Variants in DDI2 observed in about 807,000 individuals in gnomAD.
DDI2 encodes the protein protein DDI1 homolog 2.
Under a neutral mutation model 48.1 loss-of-function variants are expected in DDI2, and 5 were observed. The ratio of observed to expected loss-of-function variants is 0.10; its 90% CI spans 0.05 to 0.22. The LOEUF is 0.22. DDI2 is among the 10% of genes least tolerant of loss of function. DDI2 has a pLI of 1.00. For missense variants in DDI2, 285 were observed against 506.2 expected (o/e 0.56, Z 4.19); for synonymous variants, 205 against 183.6 (o/e 1.12, Z -0.94).
At chr1:15,638,561 G>GCAAGAC in intron 5 of DDI2, 127 bp downstream of exon 5, 2 of 1,014,656 alleles carry the variant, frequency 2.0e-6, no homozygotes, top group Non-Finnish European at 2.7e-6. Context: ...TTGAGACAGA[G>GCAAGAC]TCTTGCTCTG....
At chr1:15,640,908 G>A (rs1639996949) in intron 5 of DDI2, among the ~76,000 whole-genome samples, 1 of 152,202 alleles carries the variant, frequency 6.6e-6, no homozygotes, top group East Asian at 1.9e-4. Context: ...TGGGTCTTGA[G>A]CTAGATCTTG....
Position 15,662,979 on chromosome 1 carries a change from A to G in DDI2, c.*3189A>G, listed in dbSNP as rs908815818. 2 of 152,104 alleles carry G rather than the reference A, an allele frequency of 1.3e-5. No individual in the cohort carries two copies. The highest frequency in any genetic ancestry group is 2.4e-5 in the African/African-American group (1 of 41,406). 9.4% of individuals were successfully genotyped at this position (152,104 alleles called of 1,614,324 possible). A position where few individuals can be genotyped will look rare whatever the true frequency, so the allele number is the denominator to read the frequency against. ...TGTATTTATTGTGGCCTTTTTTTATATAAGGACTAGCCCTTGGAAATCATT... is the reference window on the plus strand; with the variant it reads ...TGTATTTATTGTGGCCTTTTTTTATGTAAGGACTAGCCCTTGGAAATCATT... On this transcript the variant is annotated 3_prime_UTR_variant, in exon 10 of 10. Coordinates refer to ENST00000480945, the MANE Select transcript of DDI2 (RefSeq NM_032341.5).
chr1:15,621,370 T>C (rs1639661792), intron 1 of DDI2, among the ~76,000 whole-genome samples: 2 of 151,970 alleles, frequency 1.3e-5, no homozygotes, highest in Admixed American at 6.6e-5. Context: ...TGATTTGTGG[T>C]TTGTAAACCA....
At chr1:15,623,769 A>G (rs924136856) in intron 1 of DDI2, among the ~76,000 whole-genome samples, 1 of 151,990 alleles carries the variant, frequency 6.6e-6, no homozygotes, top group Non-Finnish European at 1.5e-5. Flanking sequence ...TTCTCTTATA[A>G]ATAGTTAGTG....
chr1:15,634,876 C>T (rs1467756040), intron 4 of DDI2, among the ~76,000 whole-genome samples: 2 of 152,096 alleles, frequency 1.3e-5, no homozygotes, highest in African/African-American at 4.8e-5. Context: ...CAATTGATCT[C>T]CTACCTCAGC....
intron 7 of DDI2, among the ~76,000 whole-genome samples, chr1:15,650,276 T>C (rs1640157051): frequency 6.6e-6 from 1 of 152,224 alleles, no homozygotes; most frequent in African/African-American, 2.4e-5. Flanking sequence ...ATAATTAATA[T>C]ATTAATTTGT....
Position 15,660,960 on chromosome 1 carries a change from T to C in DDI2, c.*1170T>C, listed in dbSNP as rs1324529689. ...TGAAAGAACTTCATGAACTTTTGGT[T>C]GTTAGCAGTAAACCAGCTTCAGAAA... On this transcript the variant is annotated 3_prime_UTR_variant, in exon 10 of 10. Transcript: ENST00000480945. 6.2e-7 allele frequency: 1 copy of C among 1,613,604 alleles called. No individual in the cohort carries two copies. The highest frequency in any genetic ancestry group is 1.7e-5 in the Admixed American group (1 of 59,880).
intron 4 of DDI2, among the ~76,000 whole-genome samples, chr1:15,637,336 A>G (rs1443303256): frequency 6.6e-6 from 1 of 152,070 alleles, no homozygotes; most frequent in Non-Finnish European, 1.5e-5. Context: ...CTTCCAAAGA[A>G]AGTGCTGGGA....
intron 8 of DDI2, among the ~76,000 whole-genome samples, chr1:15,653,868 G>A (rs1443989671): frequency 3.3e-5 from 5 of 152,088 alleles, no homozygotes. Flanking sequence ...GGCCATATTA[G>A]CACTGTATAT....
intron 5 of DDI2, among the ~76,000 whole-genome samples, chr1:15,639,378 C>G (rs1033868969): frequency 6.6e-6 from 1 of 152,024 alleles, no homozygotes; most frequent in African/African-American, 2.4e-5. Flanking sequence ...ATATTTTCCC[C>G]CTTCACTGTG....
intron 6 of DDI2, among the ~76,000 whole-genome samples, chr1:15,646,308 C>T (rs1335803046): frequency 1.3e-5 from 2 of 152,240 alleles, no homozygotes; most frequent in East Asian, 3.8e-4. Context: ...AGTTGGGTTA[C>T]TGCTCAGTTT....
chr1:15,658,672 T>A (rs1271371904), intron 9 of DDI2, among the ~76,000 whole-genome samples: 1 of 151,670 alleles, frequency 6.6e-6, no homozygotes, highest in Non-Finnish European at 1.5e-5. Flanking sequence ...GAGAATCGCT[T>A]GGACCCGGGA....
chr1:15,645,746 G>T (rs368831012), intron 6 of DDI2, among the ~76,000 whole-genome samples: 1 of 151,854 alleles, frequency 6.6e-6, no homozygotes, highest in South Asian at 2.1e-4. Context: ...GGCAAGTGCC[G>T]ATGGTGCCAG....
chr1:15,623,387 C>CTTTTTTTTTT (rs777821777), intron 1 of DDI2, among the ~76,000 whole-genome samples: 1 of 107,516 alleles, frequency 9.3e-6, no homozygotes, highest in African/African-American at 3.8e-5. Flanking sequence ...TTTTCTTCTT[C>CTTTTTTTTTT]TTTTTTTTTT....
At chr1:15,630,275 C>A in intron 2 of DDI2, 50 bp from the exon 3 acceptor site, 1 of 1,577,752 alleles carries the variant, frequency 6.3e-7, no homozygotes, top group Non-Finnish European at 8.7e-7. Context: ...CCTTCAAGTG[C>A]TTGTTTTTGT....
At chr1:15,620,465 CATCTT>C (rs1639641287) in intron 1 of DDI2, among the ~76,000 whole-genome samples, 1 of 152,114 alleles carries the variant, frequency 6.6e-6, no homozygotes, top group Non-Finnish European at 1.5e-5. Flanking sequence ...TCATATTACT[CATCTT>C]CCCTTCCTTT....
At chr1:15,633,402 T>C (rs189803561) in intron 3 of DDI2, 37 bp from the exon 4 acceptor site, 24 of 1,605,366 alleles carry the variant, frequency 1.5e-5, no homozygotes, top group East Asian at 2.2e-5. Context: ...GTTGAAAATA[T>C]AGTGATATTT....
In DDI2 at chr1:15,661,699, A is replaced by G. The variant is rs768808498; in HGVS notation, c.*1909A>G. 26 of 1,612,050 alleles carry G rather than the reference A, an allele frequency of 1.6e-5. No homozygotes were observed. Among genetic ancestry groups the G allele is most frequent in the Admixed American group, 6.7e-5 (4 of 59,886 alleles). On this transcript the variant is annotated 3_prime_UTR_variant, in exon 10 of 10. Coordinates refer to ENST00000480945, the MANE Select transcript of DDI2 (RefSeq NM_032341.5). ...CCTTGCACTTCTTGTTTTGCTCGCA[A>G]AAAACATCGTAGTTCCTACATGACT...
intron 6 of DDI2, among the ~76,000 whole-genome samples, chr1:15,648,282 C>G (rs542255840): frequency 6.6e-6 from 1 of 152,310 alleles, no homozygotes; most frequent in South Asian, 2.1e-4. Context: ...AAGTACCAAG[C>G]TCTGTGGCCA....
Sources: gnomAD v4.1 joint callset for allele counts (sites outside exome capture counted in the v4.1 genomes callset) on GRCh38, gnomAD v4.1.1 for gene constraint, MANE v1.5 for transcripts, NCBI Gene and HGNC (gene_info 2026-07-23, HGNC 2026-07-21) for gene names.